The following GRM3 variants were observed in gnomAD, a reference collection of about 807,000 sequenced individuals.
GRM3 encodes the protein metabotropic glutamate receptor 3.
Under a neutral mutation model 70.5 loss-of-function variants are expected in GRM3, and 26 were observed. The observed-to-expected ratio is 0.37, with a 90% confidence interval of 0.27 to 0.51. GRM3 has a LOEUF of 0.51. Among genes scored for constraint, GRM3 ranks in the 20% least tolerant of loss-of-function variants. GRM3 has a pLI of 0.93. For missense variants in GRM3, 859 were observed against 1,123.8 expected, an observed-to-expected ratio of 0.76 and a Z score of 3.37; for synonymous variants, 443 against 434.9, an observed-to-expected ratio of 1.02 and a Z score of -0.23.
intron 1 of GRM3, among the ~76,000 whole-genome samples, chr7:86,679,090 T>G (rs1339562410): frequency 5.9e-5 from 9 of 152,068 alleles, no homozygotes; most frequent in Admixed American, 2.6e-4. Context: ...TAATATGTCA[T>G]GTAACCCTTG....
At chr7:86,767,963 GT>G (rs1161056824) in intron 2 of GRM3, among the ~76,000 whole-genome samples, 1 of 151,970 alleles carries the variant, frequency 6.6e-6, no homozygotes, top group African/African-American at 2.4e-5. Context: ...ATCTCATTAG[GT>G]TTTTTTCATT....
At chr7:86,707,200 G>A (rs760674375) in intron 1 of GRM3, among the ~76,000 whole-genome samples, 12 of 151,980 alleles carry the variant, frequency 7.9e-5, no homozygotes, top group Non-Finnish European at 1.6e-4. Flanking sequence ...CCCTCTCTAT[G>A]ACTGGTACAC....
intron 5 of GRM3, among the ~76,000 whole-genome samples, chr7:86,862,343 C>G (rs1418823738): frequency 6.6e-6 from 1 of 152,070 alleles, no homozygotes; most frequent in Non-Finnish European, 1.5e-5. Context: ...TTTGATGAAG[C>G]TGGAATTAGG....
intron 3 of GRM3, among the ~76,000 whole-genome samples, chr7:86,802,274 G>A (rs1797699785): frequency 6.6e-6 from 1 of 151,628 alleles, no homozygotes; most frequent in Non-Finnish European, 1.5e-5. Context: ...ATTATTTTCC[G>A]CTCCTGCTTC....
intron 1 of GRM3, among the ~76,000 whole-genome samples, chr7:86,660,046 T>C (rs1456029478): frequency 6.6e-5 from 10 of 152,098 alleles, no homozygotes; most frequent in Admixed American, 6.6e-4. Flanking sequence ...CCTGTCCATC[T>C]AGCTATCAGA....
chr7:86,731,680 T>C (rs989377407), intron 1 of GRM3, among the ~76,000 whole-genome samples: 7 of 152,042 alleles, frequency 4.6e-5, no homozygotes, highest in African/African-American at 1.7e-4. Flanking sequence ...GGTTTGAGAG[T>C]GTAAAGGGTA....
intron 1 of GRM3, among the ~76,000 whole-genome samples, chr7:86,646,296 TG>T (rs955428156): frequency 6.6e-6 from 1 of 152,180 alleles, no homozygotes; most frequent in Non-Finnish European, 1.5e-5. Context: ...CAGAAATTAT[TG>T]TAATACTTTT....
intron 3 of GRM3, among the ~76,000 whole-genome samples, chr7:86,801,042 G>A (rs1166605851): frequency 1.7e-5 from 2 of 117,704 alleles, no homozygotes; most frequent in Non-Finnish European, 3.7e-5. Context: ...CATCTTTTAT[G>A]TTTTACCACG....
intron 1 of GRM3, among the ~76,000 whole-genome samples, chr7:86,758,914 G>A (rs918978345): frequency 2.6e-5 from 4 of 151,898 alleles, no homozygotes; most frequent in African/African-American, 9.7e-5. Flanking sequence ...ACATACCCAG[G>A]GTTCTTGGGT....
In GRM3 at chr7:86,786,467, A is replaced by T. The variant is rs1797248288; in HGVS notation, c.675A>T (p.Thr225=). The change falls in exon 3 of 6, where the codon ACA becomes ACT. Residue 225 remains threonine (T), a synonymous_variant. Transcript: ENST00000361669. This position sits in a 1 kb window ranked among gnomAD's most constrained non-coding sequence, Gnocchi z 6.0. ...TVASEGDYGE[T]GIEAFEQEAR... ...CCTCCGAGGGTGATTACGGGGAGAC[A>T]GGGATCGAGGCCTTCGAGCAGGAAG... 1 of 1,614,136 alleles carries T rather than the reference A, an allele frequency of 6.2e-7. No individual in the cohort carries two copies. Among genetic ancestry groups the T allele is most frequent in the Admixed American group, 1.7e-5 (1 of 60,012 alleles).
intron 2 of GRM3, among the ~76,000 whole-genome samples, chr7:86,778,300 T>C (rs1054293746): frequency 6.6e-6 from 1 of 152,216 alleles, no homozygotes; most frequent in Non-Finnish European, 1.5e-5. Flanking sequence ...AACTATTTAT[T>C]ATTGTTCCCT....
chr7:86,649,122 A>AATTAGACTG (rs1384957335), intron 1 of GRM3, among the ~76,000 whole-genome samples: 4 of 152,180 alleles, frequency 2.6e-5, no homozygotes, highest in Non-Finnish European at 5.9e-5. Context: ...AAACAAATAA[A>AATTAGACTG]ATTAGACTGC....
At chr7:86,783,848 C>T (rs189106468) in intron 2 of GRM3, among the ~76,000 whole-genome samples, 1 of 152,118 alleles carries the variant, frequency 6.6e-6, no homozygotes, top group Admixed American at 6.5e-5. Flanking sequence ...TATATTATCA[C>T]CCCATGCTAT....
chr7:86,855,287 G>T (rs1798825783), intron 5 of GRM3, among the ~76,000 whole-genome samples: 1 of 152,134 alleles, frequency 6.6e-6, no homozygotes. Context: ...AAACCCTATA[G>T]GAGTCATGCA....
At chr7:86,728,770 G>T (rs1431077670) in intron 1 of GRM3, among the ~76,000 whole-genome samples, 1 of 152,160 alleles carries the variant, frequency 6.6e-6, no homozygotes, top group Admixed American at 6.5e-5. Context: ...TTATCATTTA[G>T]CTAGTGAGCA....
At chr7:86,787,189 G>A in intron 3 of GRM3, 73 bp downstream of exon 3, 1 of 1,184,246 alleles carries the variant, frequency 8.4e-7, no homozygotes, top group Non-Finnish European at 1.2e-6. Flanking sequence ...ATGCCTCTGT[G>A]CCCAATTCAG....
rs1159209510 is a variant in GRM3, at chr7:86,691,517, C to T, written c.-141+46645C>T. ...AAAGAAATAGGGCATATAGGAAAGG[C>T]ATATTAAAATAAGTTTGTTGAGTGC... On this transcript the variant is annotated intron_variant, in intron 1 of 5. Coordinates refer to ENST00000361669, the MANE Select transcript of GRM3 (RefSeq NM_000840.3). Among the ~76,000 whole-genome samples, 9 of 152,264 alleles carry T rather than the reference C, an allele frequency of 5.9e-5. No individual in the cohort carries two copies. In the East Asian group the frequency reaches 1.7e-3, roughly 29 times the overall value.
At chr7:86,781,551 A>C (rs1797062074) in intron 2 of GRM3, among the ~76,000 whole-genome samples, 1 of 152,182 alleles carries the variant, frequency 6.6e-6, no homozygotes, top group Non-Finnish European at 1.5e-5. Flanking sequence ...CTGAGAGGGA[A>C]ACTAGTCCTT....
chr7:86,816,280 G>A (rs779646803), intron 3 of GRM3, among the ~76,000 whole-genome samples: 6 of 151,762 alleles, frequency 4.0e-5, no homozygotes, highest in Non-Finnish European at 7.4e-5. Flanking sequence ...CTTACTAAGC[G>A]ACAAGCACTT....
Sources: gnomAD v4.1 joint callset for allele counts (sites outside exome capture counted in the v4.1 genomes callset) on GRCh38, gnomAD v4.1.1 for gene constraint, Gnocchi (gnomAD v3.1) non-coding constraint, MANE v1.5 for transcripts, NCBI Gene and HGNC (gene_info 2026-07-23, HGNC 2026-07-21) for gene names.